Variants in POU3F3 observed in about 807,000 individuals in gnomAD.
POU3F3 encodes the protein POU class 3 homeobox 3.
A neutral mutation model predicts 8.6 loss-of-function variants in POU3F3; 1 was observed. That is an observed-to-expected ratio of 0.12 (90% CI 0.04 to 0.55). The LOEUF is 0.55. POU3F3 is among the 20% of genes least tolerant of loss of function. The pLI is 0.91. For missense variants in POU3F3, 577 were observed against 690.7 expected (o/e 0.84, Z 1.84); for synonymous variants, 418 against 327.4 (o/e 1.28, Z -2.99).
At chr2:104,875,747 C>T in the POU3F3 span, among the ~76,000 whole-genome samples, 13 of 152,136 alleles carry the variant, frequency 8.5e-5, no homozygotes, top group Admixed American at 1.3e-4. Context: ...GATGGAGTCT[C>T]GCTCTGTCGC....
At chr2:104,893,674 G>A in the POU3F3 span, among the ~76,000 whole-genome samples, 1 of 152,142 alleles carries the variant, frequency 6.6e-6, no homozygotes, top group African/African-American at 2.4e-5. Context: ...CTGAGGTCAG[G>A]AGTTTGAGAC....
the POU3F3 span, among the ~76,000 whole-genome samples, chr2:104,906,190 C>G: frequency 6.6e-6 from 1 of 152,140 alleles, no homozygotes; most frequent in African/African-American, 2.4e-5. Context: ...CATCTTTGAT[C>G]CATTTGAATT....
chr2:104,859,639 AG>A (rs1250089939), downstream of POU3F3, among the ~76,000 whole-genome samples: 5 of 152,218 alleles, frequency 3.3e-5, no homozygotes, highest in Admixed American at 6.5e-5. Context: ...TCTCCCAGAC[AG>A]GCCCTGTGTC....
At chr2:104,897,044 G>C in the POU3F3 span, among the ~76,000 whole-genome samples, 5 of 152,150 alleles carry the variant, frequency 3.3e-5, no homozygotes, top group African/African-American at 9.7e-5. Flanking sequence ...CTCCTTGAAA[G>C]CTTACGGTTA....
chr2:104,900,041 T>C, the POU3F3 span, among the ~76,000 whole-genome samples: 1 of 152,128 alleles, frequency 6.6e-6, no homozygotes, highest in African/African-American at 2.4e-5. Context: ...CAAATTGAAA[T>C]GGAGATGATG....
upstream of POU3F3, chr2:104,853,715 C>T (rs1676488523): frequency 6.6e-6 from 1 of 152,324 alleles, no homozygotes; most frequent in East Asian, 1.9e-4. Flanking sequence ...CCTTCTGATT[C>T]TCTTCCCCCC....
the POU3F3 span, among the ~76,000 whole-genome samples, chr2:104,923,372 T>C: frequency 2.0e-5 from 3 of 152,194 alleles, no homozygotes; most frequent in Non-Finnish European, 4.4e-5. Flanking sequence ...TGTAAGTTTG[T>C]AACACCAATA....
chr2:104,909,102 C>T, the POU3F3 span, among the ~76,000 whole-genome samples: 1 of 152,160 alleles, frequency 6.6e-6, no homozygotes, highest in Non-Finnish European at 1.5e-5. Context: ...TGAAATCTGT[C>T]ACTTCTTGAA....
At chr2:104,870,424 C>T in the POU3F3 span, among the ~76,000 whole-genome samples, 1 of 152,230 alleles carries the variant, frequency 6.6e-6, no homozygotes, top group Non-Finnish European at 1.5e-5. Context: ...CAGGTTTCTG[C>T]CATGCAGCCT....
At chr2:104,868,972 A>T in the POU3F3 span, among the ~76,000 whole-genome samples, 1 of 152,216 alleles carries the variant, frequency 6.6e-6, no homozygotes, top group African/African-American at 2.4e-5. Context: ...CGTGAACAAC[A>T]TTACATAAAC....
the POU3F3 span, chr2:104,868,418 A>G: frequency 2.2e-6 from 1 of 454,462 alleles, no homozygotes; most frequent in Non-Finnish European, 4.4e-6. Context: ...GCGTGGATGT[A>G]AAATATAGTC....
the POU3F3 span, among the ~76,000 whole-genome samples, chr2:104,920,055 C>T: frequency 6.6e-6 from 1 of 152,100 alleles, no homozygotes. Context: ...TGCTCTGTTG[C>T]TCAGGCTGGA....
rs1367238153 is a variant in POU3F3 at position 104,856,017 on chromosome 2, G to T, written c.507G>T (p.Pro169=). ...GCACAGCGCTGCACCACCGCGGGCC[G>T]CCGCACCTCGGACCCCCGCCGCCGC... ...HAGTALHHRG[P]PHLGPPPPPP... is the part of the protein sequence containing the mutation. The change falls in exon 1 of 1, where the codon CCG becomes CCT. Residue 169 remains proline (P), a synonymous_variant. Transcript: ENST00000361360. The T allele has an allele frequency of 4.1e-6, 4 of 985,576 alleles. No individual in the cohort carries two copies. Among genetic ancestry groups the T allele is most frequent in the Non-Finnish European group, 4.8e-6 (4 of 833,560 alleles). 61.1% of individuals were successfully genotyped at this position (985,576 alleles called of 1,614,324 possible).
At chr2:104,902,672 A>C in the POU3F3 span, among the ~76,000 whole-genome samples, 1 of 152,146 alleles carries the variant, frequency 6.6e-6, no homozygotes. Context: ...TCATTCCCTT[A>C]TAGCAAAAAT....
At chr2:104,860,067 C>T (rs1676636783), downstream of POU3F3, among the ~76,000 whole-genome samples, 1 of 152,076 alleles carries the variant, frequency 6.6e-6, no homozygotes, top group Non-Finnish European at 1.5e-5. Flanking sequence ...AGTAATAGGT[C>T]TATTAAAAAA....
chr2:104,875,586 T>A, the POU3F3 span, among the ~76,000 whole-genome samples: 4 of 152,204 alleles, frequency 2.6e-5, no homozygotes, highest in African/African-American at 9.7e-5. Flanking sequence ...ATTTTTTTTT[T>A]AAAGAGCAAA....
chr2:104,889,862 GT>G, the POU3F3 span, among the ~76,000 whole-genome samples: 12 of 152,090 alleles, frequency 7.9e-5, no homozygotes, highest in Non-Finnish European at 1.3e-4. Context: ...ATTAACAGCT[GT>G]TTCTGATATA....
the POU3F3 span, among the ~76,000 whole-genome samples, chr2:104,902,663 C>T: frequency 6.6e-6 from 1 of 152,116 alleles, no homozygotes. Context: ...CACAGTCATT[C>T]ATTCCCTTAT....
chr2:104,908,973 G>A, the POU3F3 span, among the ~76,000 whole-genome samples: 1 of 150,852 alleles, frequency 6.6e-6, no homozygotes, highest in African/African-American at 2.4e-5. Context: ...TTAAGTACTT[G>A]CACTTTTTAA....
Sources: allele counts gnomAD v4.1 joint callset (sites outside exome capture counted in the v4.1 genomes callset), GRCh38; gene constraint gnomAD v4.1.1; transcripts MANE v1.5; gene names NCBI Gene and HGNC (gene_info 2026-07-23, HGNC 2026-07-21).